The following KCTD1 variants were observed in gnomAD, a reference collection of about 807,000 sequenced individuals.
The protein encoded by KCTD1 is BTB/POZ domain-containing protein KCTD1.
In KCTD1, 24 loss-of-function variants were observed where a neutral mutation model predicts 66.0. The observed-to-expected ratio is 0.36, with a 90% CI of 0.26 to 0.51. The LOEUF is 0.51. KCTD1 is among the 20% of genes least tolerant of loss of function. The pLI, the probability that KCTD1 is intolerant of heterozygous loss-of-function variation, is 0.95. For missense variants in KCTD1, 943 were observed against 1,205.2 expected, an observed-to-expected ratio of 0.78 and a Z score of 3.22; for synonymous variants, 511 against 517.2, an observed-to-expected ratio of 0.99 and a Z score of 0.16.
chr18:26,518,349 G>GA (rs1367089737), intron 1 of KCTD1, among the ~76,000 whole-genome samples: 1 of 151,650 alleles, frequency 6.6e-6, no homozygotes, highest in Admixed American at 6.6e-5. Context: ...CCCAGGCTGG[G>GA]TCTGCCTCCT....
chr18:26,593,356 AGGAAGAGGAGGAG>A, intron 1 of KCTD1, among the ~76,000 whole-genome samples: 1 of 139,930 alleles, frequency 7.1e-6, no homozygotes, highest in Non-Finnish European at 1.6e-5. Flanking sequence ...GAGGAGGAGG[AGGAAGAGGAGGAG>A]GAGGAAGAGG....
intron 1 of KCTD1, among the ~76,000 whole-genome samples, chr18:26,597,658 GTT>G (rs71169866): frequency 0.037 from 3,999 of 108,096 alleles, 66 homozygotes; most frequent in African/African-American, 0.082. Context: ...AGGTCTTGGT[GTT>G]TTTTTTTTTT....
At chr18:26,647,291 G>T (rs953259211) in intron 1 of KCTD1, among the ~76,000 whole-genome samples, 3 of 151,026 alleles carry the variant, frequency 2.0e-5, no homozygotes, top group African/African-American at 7.3e-5. Flanking sequence ...GGTGGATCAC[G>T]AGGTCAGGAG....
chr18:26,627,948 G>T (rs1254828351), intron 1 of KCTD1, among the ~76,000 whole-genome samples: 1 of 152,166 alleles, frequency 6.6e-6, no homozygotes, highest in South Asian at 2.1e-4. Context: ...AAGAAGACAA[G>T]CCAGAGCCCC....
chr18:26,538,004 T>C lies in KCTD1; in HGVS notation c.1809+8724A>G, dbSNP rs886207442. Among the ~76,000 whole-genome samples, 3 of 151,900 alleles carry C rather than the reference T, an allele frequency of 2.0e-5. No individual in the cohort carries two copies. In the East Asian group the frequency reaches 5.8e-4, roughly 29 times the overall value. The stretch of plus-strand genomic sequence containing the variant: ...GCTCATGCCTGTAATCCCAGCACTT[T>C]GGGAGGCTGAGGCGGGTGGATCACC... On this transcript the variant is annotated intron_variant, in intron 1 of 4. Transcript: ENST00000580059.
chr18:26,541,112 C>T (rs1280233523), intron 1 of KCTD1, among the ~76,000 whole-genome samples: 1 of 152,130 alleles, frequency 6.6e-6, no homozygotes, highest in Non-Finnish European at 1.5e-5. Flanking sequence ...CTCCAATTCC[C>T]TCAGCTATCC....
At chr18:26,628,091 G>A (rs1294765211) in intron 1 of KCTD1, among the ~76,000 whole-genome samples, 1 of 152,100 alleles carries the variant, frequency 6.6e-6, no homozygotes, top group African/African-American at 2.4e-5. Flanking sequence ...ATGGTAAAGT[G>A]GCCATATAAT....
intron 2 of KCTD1, among the ~76,000 whole-genome samples, chr18:26,490,239 G>A (rs1014761037): frequency 2.0e-5 from 3 of 152,216 alleles, no homozygotes; most frequent in Admixed American, 2.0e-4. Context: ...CATGTGGATT[G>A]TGGGGAAACT....
chr18:26,537,863 G>C (rs1217216895), intron 1 of KCTD1, among the ~76,000 whole-genome samples: 1 of 152,106 alleles, frequency 6.6e-6, no homozygotes. Context: ...GTTCATTGTT[G>C]TCTCATTTCA....
upstream of KCTD1, among the ~76,000 whole-genome samples, chr18:26,642,600 C>A (rs186635733): frequency 1.4e-4 from 21 of 152,134 alleles, no homozygotes; most frequent in Admixed American, 1.2e-3. Context: ...TTCCCTAAGT[C>A]ATTCAAAAAA....
chr18:26,542,887 C>T (rs772375313), intron 1 of KCTD1: 3 of 152,158 alleles, frequency 2.0e-5, no homozygotes, highest in Non-Finnish European at 4.4e-5. Flanking sequence ...ATACTGGTTA[C>T]AACATTAATA....
chr18:26,513,068 G>A (rs1322759567), intron 1 of KCTD1, among the ~76,000 whole-genome samples: 1 of 151,366 alleles, frequency 6.6e-6, no homozygotes, highest in Admixed American at 6.6e-5. Context: ...GCACCTTTCT[G>A]GGTTTTATAA....
chr18:26,640,069 G>A (rs1415676658), intron 1 of KCTD1, among the ~76,000 whole-genome samples: 3 of 152,136 alleles, frequency 2.0e-5, no homozygotes, highest in Non-Finnish European at 2.9e-5. Flanking sequence ...TGGTGGCCAC[G>A]GCAATGGTCC....
intron 1 of KCTD1, among the ~76,000 whole-genome samples, chr18:26,593,631 TGAGGAGGAA>T (rs142622302): frequency 3.5e-5 from 1 of 28,448 alleles, no homozygotes; most frequent in Non-Finnish European, 6.9e-5. Flanking sequence ...AGGAGGAAGA[TGAGGAGGAA>T]GAGAAGGAAG....
At chr18:26,494,945 C>T (rs1598895873) in intron 2 of KCTD1, among the ~76,000 whole-genome samples, 1 of 152,140 alleles carries the variant, frequency 6.6e-6, no homozygotes, top group Non-Finnish European at 1.5e-5. Context: ...TTGATTTAGA[C>T]TCATCTAAAA....
chr18:26,638,892 C>T (rs1044991080), intron 1 of KCTD1, among the ~76,000 whole-genome samples: 1 of 152,218 alleles, frequency 6.6e-6, no homozygotes, highest in African/African-American at 2.4e-5. Flanking sequence ...GCAAAATTCC[C>T]TCTTGCTCTG....
chr18:26,472,982 C>G (rs1981150100), intron 3 of KCTD1, among the ~76,000 whole-genome samples: 1 of 152,176 alleles, frequency 6.6e-6, no homozygotes, highest in Non-Finnish European at 1.5e-5. Context: ...CAGGTGCAGA[C>G]TGAGGGCTGG....
intron 1 of KCTD1, among the ~76,000 whole-genome samples, chr18:26,649,751 A>G (rs558971700): frequency 1.0e-3 from 156 of 152,174 alleles, no homozygotes; most frequent in African/African-American, 3.6e-3. Flanking sequence ...CTCGTGATCC[A>G]CCTGCCTCGG....
At chr18:26,647,993 C>G (rs993697724) in intron 1 of KCTD1, among the ~76,000 whole-genome samples, 3 of 152,048 alleles carry the variant, frequency 2.0e-5, no homozygotes, top group Admixed American at 6.5e-5. Context: ...CAGGCGTGCA[C>G]CACCATGCCT....
Sources: gnomAD v4.1 joint callset for allele counts (sites outside exome capture counted in the v4.1 genomes callset) on GRCh38, gnomAD v4.1.1 for gene constraint, MANE v1.5 for transcripts, NCBI Gene and HGNC (gene_info 2026-07-23, HGNC 2026-07-21) for gene names.